Variants in KLHL7 observed in about 807,000 individuals in gnomAD.
The protein encoded by KLHL7 is kelch like family member 7.
Under a neutral mutation model 67.4 loss-of-function variants are expected in KLHL7, and 44 were observed. That is an observed-to-expected ratio of 0.65 (90% CI 0.51 to 0.84). The LOEUF (loss-of-function observed/expected upper bound fraction) is 0.84, where lower values mean the gene tolerates loss of function less well. Ranked by LOEUF, KLHL7 falls within the 40% of genes least tolerant of loss-of-function variation. KLHL7 has a pLI of 0.00. For missense variants in KLHL7, 362 were observed against 718.1 expected, an observed-to-expected ratio of 0.50 and a Z score of 5.67; for synonymous variants, 252 against 243.3, an observed-to-expected ratio of 1.04 and a Z score of -0.33.
intron 4 of KLHL7, among the ~76,000 whole-genome samples, chr7:23,139,741 C>A (rs1784112295): frequency 6.6e-6 from 1 of 152,108 alleles, no homozygotes; most frequent in African/African-American, 2.4e-5. Flanking sequence ...GGATGCTTGC[C>A]ACTTGATCAC....
Position 23,165,755 on chromosome 7 carries a change from G to A in KLHL7, c.994G>A (p.Val332Met), listed in dbSNP as rs1350093130. Residue 332 changes from valine to methionine, a missense_variant, in exon 8 of 11, where the codon GTG becomes ATG. This residue lies in a region of KLHL7 where 12 missense variants were observed against 81.8 expected (regional missense o/e 0.15). Coordinates refer to ENST00000339077, the MANE Select transcript of KLHL7 (RefSeq NM_001031710.3). ...TGAAAAACGAAGAGATGCAGCATGC[G>A]TGTTTTGGGACAATGTAGTATACAT... ...PFEKRRDAAC[V>M]FWDNVVYILG... 4.3e-6 allele frequency: 7 copies of A among 1,614,014 alleles called. No individual in the cohort carries two copies. The highest frequency in any genetic ancestry group is 1.3e-5 in the African/African-American group (1 of 74,926).
intron 1 of KLHL7, among the ~76,000 whole-genome samples, chr7:23,122,038 C>G (rs1783373409): frequency 6.6e-6 from 1 of 152,078 alleles, no homozygotes; most frequent in Admixed American, 6.5e-5. Context: ...ATAAATGTAC[C>G]ATTTGGATAC....
In KLHL7 at chr7:23,125,037, C is replaced by A. The variant is rs139991330; in HGVS notation, c.318-11C>A. 2.5e-6 allele frequency: 4 copies of A among 1,609,084 alleles called. No individual in the cohort carries two copies. The highest frequency in any genetic ancestry group is 1.7e-5 in the Admixed American group (1 of 59,992). On this transcript the variant is annotated splice_polypyrimidine_tract_variant and intron_variant, in intron 3 of 10. Transcript: ENST00000339077. ...CATGGGTAACTAATATTCCCTCTAA[C>A]TTATTTGCAGAATTTCCGTGAATAG... is the stretch of plus-strand genomic sequence containing the variant.
rs1782832899 is a variant in KLHL7, at chr7:23,110,711, C to A, written c.120+4565C>A. ...ACATGTGCCATATTGGTGTGCTGCA[C>A]CCATTAACTCGTCATTTAGTATTAG... On this transcript the variant is annotated intron_variant, in intron 1 of 10. Transcript: ENST00000339077. 2.0e-5 allele frequency among the ~76,000 whole-genome samples: 3 copies of A among 150,934 alleles called. No individual in the cohort carries two copies. In the South Asian group the frequency reaches 6.3e-4, roughly 32 times the overall value.
chr7:23,136,098 A>C (rs1783966217), intron 4 of KLHL7, among the ~76,000 whole-genome samples: 1 of 152,180 alleles, frequency 6.6e-6, no homozygotes, highest in African/African-American at 2.4e-5. Flanking sequence ...GCAGAGATCA[A>C]CTATCCCAGC....
At chr7:23,156,607 G>A (rs1252638952) in intron 7 of KLHL7, among the ~76,000 whole-genome samples, 1 of 152,184 alleles carries the variant, frequency 6.6e-6, no homozygotes, top group Non-Finnish European at 1.5e-5. Flanking sequence ...GGGAGACTAT[G>A]CCCTGGAGAA....
chr7:23,132,022 T>C (rs948023950), intron 4 of KLHL7, among the ~76,000 whole-genome samples: 1 of 152,206 alleles, frequency 6.6e-6, no homozygotes, highest in Non-Finnish European at 1.5e-5. Flanking sequence ...CCATTGTGTA[T>C]ATATACCACA....
In KLHL7 at chr7:23,105,984, G is replaced by C; in HGVS notation, c.-43G>C. On this transcript the variant is annotated 5_prime_UTR_variant, in exon 1 of 11. Coordinates refer to ENST00000339077, the MANE Select transcript of KLHL7 (RefSeq NM_001031710.3). ...GTGTGCCCAGAGAGTGCGACCCCTC[G>C]CCCGGCCCGGCGAGCCCCGGGCGTG... The C allele has an allele frequency of 3.1e-6, 5 of 1,596,466 alleles. No individual in the cohort carries two copies. The highest frequency in any genetic ancestry group is 3.4e-6 in the Non-Finnish European group (4 of 1,174,072).
At chr7:23,106,964 G>C (rs768071197) in intron 1 of KLHL7, among the ~76,000 whole-genome samples, 5 of 152,018 alleles carry the variant, frequency 3.3e-5, no homozygotes, top group African/African-American at 2.4e-5. Flanking sequence ...GGGAATGTTT[G>C]GGTTTTGTTG....
chr7:23,173,838 G>A (rs1004434274), intron 10 of KLHL7, among the ~76,000 whole-genome samples, 177 bp from the exon 11 acceptor site: 3 of 152,186 alleles, frequency 2.0e-5, no homozygotes, highest in African/African-American at 7.2e-5. Context: ...ATTGTGTTAA[G>A]AGTAAGAATT....
chr7:23,139,118 C>T (rs1235371882), intron 4 of KLHL7, among the ~76,000 whole-genome samples: 1 of 150,628 alleles, frequency 6.6e-6, no homozygotes, highest in African/African-American at 2.4e-5. Flanking sequence ...GAATACCCCT[C>T]GTGTGGAATG....
Position 23,157,431 on chromosome 7 carries a change from G to T in KLHL7, c.936+5222G>T, listed in dbSNP as rs544206054. 2.6e-5 allele frequency among the ~76,000 whole-genome samples: 4 copies of T among 152,334 alleles called. No individual in the cohort carries two copies. In the South Asian group the frequency reaches 8.3e-4, roughly 32 times the overall value. On this transcript the variant is annotated intron_variant, in intron 7 of 10. Coordinates refer to ENST00000339077, the MANE Select transcript of KLHL7 (RefSeq NM_001031710.3). ...TCCTTAGTTGTCAGCATCATGGGCA[G>T]CCAGGGGTAAACAGTGTTCTCTGCA...
At chr7:23,148,140 T>C (rs756359675) in intron 6 of KLHL7, among the ~76,000 whole-genome samples, 1 of 152,202 alleles carries the variant, frequency 6.6e-6, no homozygotes, top group East Asian at 1.9e-4. Context: ...GTAGACCCAA[T>C]GTTGTCCATA....
chr7:23,151,458 T>C (rs1256809356), intron 6 of KLHL7, among the ~76,000 whole-genome samples: 2 of 152,212 alleles, frequency 1.3e-5, no homozygotes, highest in Non-Finnish European at 2.9e-5. Context: ...ACAGTGCTTC[T>C]CAAAGTTTTA....
At position 23,174,644 on chromosome 7, in the gene KLHL7, C is replaced by T. The variant is rs1258384796; in HGVS notation, c.*346C>T. Reference sequence around the variant, plus strand: ...AAGCGCAGTATCTTAGCTCTAGATTCTATTTTCATGCATCACAGAAGTGCT... The same window carrying T: ...AAGCGCAGTATCTTAGCTCTAGATTTTATTTTCATGCATCACAGAAGTGCT... On this transcript the variant is annotated 3_prime_UTR_variant, in exon 11 of 11. Coordinates refer to ENST00000339077, the MANE Select transcript of KLHL7 (RefSeq NM_001031710.3). The T allele has an allele frequency of 2.1e-6, 1 of 469,118 alleles. No individual in the cohort carries two copies. The highest frequency in any genetic ancestry group is 6.5e-5 in the East Asian group (1 of 15,306). 29.1% of individuals were successfully genotyped at this position (469,118 alleles called of 1,614,324 possible).
At chr7:23,167,796 A>C in intron 8 of KLHL7, 40 bp from the exon 9 acceptor site, 1 of 1,580,496 alleles carries the variant, frequency 6.3e-7, no homozygotes, top group Non-Finnish European at 8.7e-7. Flanking sequence ...ACCCCCGCAC[A>C]CACTAAAGTT....
chr7:23,133,021 A>G (rs1219408298), intron 4 of KLHL7, among the ~76,000 whole-genome samples: 2 of 152,112 alleles, frequency 1.3e-5, no homozygotes, highest in Non-Finnish European at 2.9e-5. Flanking sequence ...TTATGCCAGT[A>G]CATGCTGTTT....
In KLHL7 at chr7:23,175,968, A is replaced by G. The variant is rs997619438; in HGVS notation, c.*1670A>G. 1 of 151,782 alleles carries G rather than the reference A, an allele frequency of 6.6e-6. No individual in the cohort carries two copies. The highest frequency in any genetic ancestry group is 2.4e-5 in the African/African-American group (1 of 41,236). 9.4% of individuals were successfully genotyped at this position (151,782 alleles called of 1,614,324 possible). ...AGAGCAAGACTAAAAAAAAAAAAAA[A>G]AAAAAAAAAATGTATTATTCAGTGG... On this transcript the variant is annotated 3_prime_UTR_variant, in exon 11 of 11. Coordinates refer to ENST00000339077, the MANE Select transcript of KLHL7 (RefSeq NM_001031710.3).
At chr7:23,138,511 C>T (rs1349906618) in intron 4 of KLHL7, among the ~76,000 whole-genome samples, 4 of 144,576 alleles carry the variant, frequency 2.8e-5, no homozygotes, top group African/African-American at 1.0e-4. Context: ...AAGCCAGTAA[C>T]CTCAGAAACA....
Sources: allele counts gnomAD v4.1 joint callset (sites outside exome capture counted in the v4.1 genomes callset), GRCh38; gene constraint gnomAD v4.1.1; regional missense constraint gnomAD v4.1.1; transcripts MANE v1.5; gene names NCBI Gene and HGNC (gene_info 2026-07-23, HGNC 2026-07-21).